Variants in FHIT observed in about 807,000 individuals in gnomAD.
FHIT encodes the protein bis(5'-adenosyl)-triphosphatase.
In FHIT, 19 loss-of-function variants were observed where a neutral mutation model predicts 17.9. The observed-to-expected ratio is 1.06, with a 90% CI of 0.74 to 1.56. FHIT has a LOEUF of 1.56. Among genes scored for constraint, FHIT ranks in the 40% most tolerant of loss-of-function variants. FHIT has a pLI of 0.00. For missense variants in FHIT, 248 were observed against 189.2 expected (o/e 1.31, Z -1.82); for synonymous variants, 81 against 69.7 (o/e 1.16, Z -0.81).
intron 5 of FHIT, among the ~76,000 whole-genome samples, chr3:60,381,713 A>G (rs1700806576): frequency 6.6e-6 from 1 of 152,160 alleles, no homozygotes; most frequent in Non-Finnish European, 1.5e-5. Context: ...TCTAGTATCA[A>G]CTGGTATATA....
At chr3:60,104,424 T>G (rs542635828) in intron 5 of FHIT, among the ~76,000 whole-genome samples, 1 of 151,576 alleles carries the variant, frequency 6.6e-6, no homozygotes, top group East Asian at 1.9e-4. Flanking sequence ...ATATTCAGAA[T>G]AGCAAAAAGC....
At chr3:60,504,212 G>C (rs997407807) in intron 5 of FHIT, among the ~76,000 whole-genome samples, 10 of 152,120 alleles carry the variant, frequency 6.6e-5, no homozygotes, top group African/African-American at 2.4e-4. Context: ...GAGGCGGGCA[G>C]ATCATGAGGT....
intron 4 of FHIT, among the ~76,000 whole-genome samples, chr3:60,774,474 T>C (rs13088864): frequency 0.19 from 28,904 of 151,898 alleles, 2,928 homozygotes; most frequent in African/African-American, 0.22. Flanking sequence ...CTAATTTTTG[T>C]ATTTTTAGTA....
chr3:60,012,986 G>A (rs1454981100), intron 6 of FHIT, among the ~76,000 whole-genome samples: 2 of 152,090 alleles, frequency 1.3e-5, no homozygotes, highest in Non-Finnish European at 2.9e-5. Flanking sequence ...AACCCACTCT[G>A]AACTGAACTA....
intron 2 of FHIT, among the ~76,000 whole-genome samples, chr3:61,138,059 C>A (rs2036967707): frequency 6.6e-6 from 1 of 152,170 alleles, no homozygotes. Context: ...CGCTCTGTGA[C>A]TCAGTTTCCT....
At chr3:60,576,626 A>G (rs548742017) in intron 4 of FHIT, among the ~76,000 whole-genome samples, 11 of 152,278 alleles carry the variant, frequency 7.2e-5, no homozygotes, top group Middle Eastern at 3.4e-3. Context: ...GGAGTGAAGC[A>G]TAAATGAAAA....
chr3:60,806,556 C>T (rs1398551969), intron 4 of FHIT, among the ~76,000 whole-genome samples: 1 of 152,224 alleles, frequency 6.6e-6, no homozygotes, highest in Non-Finnish European at 1.5e-5. Context: ...TCCTATTAGG[C>T]AGATTCCTCA....
At chr3:60,403,417 A>C (rs1486060566) in intron 5 of FHIT, among the ~76,000 whole-genome samples, 1 of 152,166 alleles carries the variant, frequency 6.6e-6, no homozygotes, top group African/African-American at 2.4e-5. Context: ...GGGCTCAGAA[A>C]GATAATACCC....
intron 4 of FHIT, among the ~76,000 whole-genome samples, chr3:60,561,936 GAA>G (rs1559541505): frequency 6.8e-6 from 1 of 146,316 alleles, no homozygotes; most frequent in East Asian, 2.3e-4. Context: ...AAGAAAAAGA[GAA>G]AGAGAGAAAC....
chr3:61,247,165 A>C (rs2040507181), intron 1 of FHIT, among the ~76,000 whole-genome samples: 1 of 152,156 alleles, frequency 6.6e-6, no homozygotes, highest in Admixed American at 6.5e-5. Context: ...AATGTGCTGA[A>C]TAAAAATATG....
In FHIT at chr3:61,142,120, A is replaced by T. The variant is rs951628514; in HGVS notation, c.-164+58497T>A. On this transcript the variant is annotated intron_variant, in intron 2 of 9. Transcript: ENST00000492590. Reference sequence around the variant, plus strand: ...ATCTTAAAATGCTTTCTCTTAAAAAAAATTTTTTTTTTATCTGAGAATTGC... The same window carrying T: ...ATCTTAAAATGCTTTCTCTTAAAAATAATTTTTTTTTTATCTGAGAATTGC... Among the ~76,000 whole-genome samples the T allele has an allele frequency of 8.5e-4, 126 of 147,720 alleles. 1 individual carries two copies. Among genetic ancestry groups the T allele is most frequent in the South Asian group, 2.5e-3 (12 of 4,732 alleles).
chr3:60,451,132 C>T (rs552519341), intron 5 of FHIT, among the ~76,000 whole-genome samples: 1 of 151,842 alleles, frequency 6.6e-6, no homozygotes, highest in Non-Finnish European at 1.5e-5. Context: ...ATATGTTTTT[C>T]TTACTACTTG....
intron 4 of FHIT, among the ~76,000 whole-genome samples, chr3:60,665,367 G>A (rs573913423): frequency 5.3e-5 from 8 of 152,094 alleles, no homozygotes; most frequent in African/African-American, 1.9e-4. Flanking sequence ...GTTGTTGAGA[G>A]AGGACATTGA....
intron 4 of FHIT, among the ~76,000 whole-genome samples, chr3:60,789,546 T>A (rs1553727974): frequency 6.6e-6 from 1 of 152,134 alleles, no homozygotes; most frequent in Non-Finnish European, 1.5e-5. Context: ...ATACCAAGGT[T>A]AACCTGCCCC....
rs140550340 is a variant in FHIT at position 60,481,774 on chromosome 3, G to A, written c.103+55086C>T. Reference sequence around the variant, plus strand: ...ATGAAGAAATTGCATCAAATAGTATGCAAAATAACTAGATAGCATCATCAT... The same window carrying A: ...ATGAAGAAATTGCATCAAATAGTATACAAAATAACTAGATAGCATCATCAT... On this transcript the variant is annotated intron_variant, in intron 5 of 9. Transcript: ENST00000492590. Among the ~76,000 whole-genome samples, 10 of 152,226 alleles carry A rather than the reference G, an allele frequency of 6.6e-5. No homozygotes were observed. The East Asian group carries it at 1.9e-3, about 29-fold the overall frequency.
intron 5 of FHIT, among the ~76,000 whole-genome samples, chr3:60,262,715 G>A (rs996145674): frequency 1.3e-5 from 2 of 151,828 alleles, no homozygotes; most frequent in African/African-American, 2.4e-5. Context: ...AACATTTCCT[G>A]TTCAGCTAAC....
At chr3:60,123,404 C>T (rs918804035) in intron 5 of FHIT, among the ~76,000 whole-genome samples, 6 of 152,160 alleles carry the variant, frequency 3.9e-5, no homozygotes, top group Non-Finnish European at 8.8e-5. Flanking sequence ...AAGTCAAAGA[C>T]ATTGTCTTAA....
At chr3:60,607,819 T>G in intron 4 of FHIT, among the ~76,000 whole-genome samples, 1 of 152,316 alleles carries the variant, frequency 6.6e-6, no homozygotes, top group African/African-American at 2.4e-5. Context: ...CATATATGTA[T>G]ATATATTCAT....
At chr3:60,761,662 A>G (rs1340755082) in intron 4 of FHIT, among the ~76,000 whole-genome samples, 1 of 150,664 alleles carries the variant, frequency 6.6e-6, no homozygotes, top group Non-Finnish European at 1.5e-5. Context: ...CAAAAGACCA[A>G]TGCTACAGAT....
Sources: allele counts gnomAD v4.1 joint callset (sites outside exome capture counted in the v4.1 genomes callset), GRCh38; gene constraint gnomAD v4.1.1; transcripts MANE v1.5; gene names NCBI Gene and HGNC (gene_info 2026-07-23, HGNC 2026-07-21).